The following PMS2 variants were observed in gnomAD, a reference collection of about 807,000 sequenced individuals.
PMS2 encodes PMS1 homolog 2, mismatch repair system component, also known as mismatch repair endonuclease PMS2.
Under a neutral mutation model 90.0 loss-of-function variants are expected in PMS2, and 69 were observed. That is an observed-to-expected ratio of 0.77 (90% CI 0.63 to 0.94). PMS2 has a LOEUF of 0.94. Among genes scored for constraint, PMS2 ranks in the 40% least tolerant of loss-of-function variants. The probability of loss-of-function intolerance (pLI) is 0.00; values close to 1 mark genes in which losing one functional copy is unlikely to be tolerated. For synonymous variants in PMS2, 332 were observed against 375.1 expected (o/e 0.89, Z 1.33); for missense variants, 966 against 1,040.2 (o/e 0.93, Z 0.98).
intron 2 of PMS2, 85 bp downstream of exon 2, chr7:6,005,807 T>C: frequency 6.3e-7 from 1 of 1,594,090 alleles, no homozygotes; most frequent in Non-Finnish European, 8.6e-7. Context: ...CAACACTTGA[T>C]AGTCTTATTT....
intron 11 of PMS2, among the ~76,000 whole-genome samples, chr7:5,984,387 C>T (rs34112530): frequency 5.9e-5 from 9 of 151,826 alleles, no homozygotes; most frequent in Admixed American, 2.0e-4. Flanking sequence ...CATTCTCAGT[C>T]CCACACAATT....
At chr7:6,003,048 C>T (rs761145983) in intron 4 of PMS2, among the ~76,000 whole-genome samples, 9 of 152,040 alleles carry the variant, frequency 5.9e-5, no homozygotes, top group Non-Finnish European at 1.3e-4. Flanking sequence ...TATCCCAGCA[C>T]TTTGGGAGGC....
At chr7:5,978,178 G>A (rs1781919090) in intron 13 of PMS2, among the ~76,000 whole-genome samples, 1 of 149,922 alleles carries the variant, frequency 6.7e-6, no homozygotes, top group South Asian at 2.1e-4. Context: ...CTTTTTGGAG[G>A]AACTTTTTAA....
chr7:5,990,860 A>G (rs543080679), intron 9 of PMS2, among the ~76,000 whole-genome samples: 2 of 152,136 alleles, frequency 1.3e-5, no homozygotes, highest in African/African-American at 4.8e-5. Context: ...CTAAAAACAC[A>G]AAAAATTAGT....
intron 9 of PMS2, 147 bp downstream of exon 9, chr7:5,991,826 A>C (rs900070411): frequency 1.6e-6 from 1 of 611,078 alleles, no homozygotes; most frequent in East Asian, 3.0e-5. Flanking sequence ...GTGACAGAGC[A>C]AGACCCCGTC....
At chr7:5,983,971 G>A (rs1376713867) in intron 11 of PMS2, among the ~76,000 whole-genome samples, 1 of 151,800 alleles carries the variant, frequency 6.6e-6, no homozygotes, top group Non-Finnish European at 1.5e-5. Context: ...CTTTTTAATG[G>A]CCACATAGGA....
rs63751230 is a variant in PMS2, at chr7:5,986,928, T to G, written c.1837A>C (p.Lys613Gln). ...GAAAAGTCCAGGGGCACAACTTTCTTATTAATTTTCACAGCTACATCAACC... is the reference window on the plus strand; with the variant it reads ...GAAAAGTCCAGGGGCACAACTTTCTGATTAATTTTCACAGCTACATCAACC... ...SQVDVAVKIN[K>Q]KVVPLDFSMS... Residue 613 changes from lysine to glutamine, a missense_variant, in exon 11 of 15, where the codon AAG becomes CAG. Transcript: ENST00000265849. 5 of 1,614,050 alleles carry G rather than the reference T, an allele frequency of 3.1e-6. No homozygotes were observed. In the African/African-American group the frequency reaches 6.7e-5, roughly 22 times the overall value.
intron 14 of PMS2, among the ~76,000 whole-genome samples, chr7:5,976,222 G>T (rs1394828676): frequency 7.0e-6 from 1 of 141,958 alleles, no homozygotes; most frequent in African/African-American, 2.5e-5. Context: ...GTAACAGAGC[G>T]AGACTCCGTC....
At chr7:5,994,754 T>C (rs1280048922) in intron 8 of PMS2, among the ~76,000 whole-genome samples, 7 of 151,156 alleles carry the variant, frequency 4.6e-5, no homozygotes, top group East Asian at 2.0e-4. Context: ...CCAGCCTGGG[T>C]GACAAACAAG....
At chr7:5,998,019 G>A (rs1209354921) in intron 6 of PMS2, among the ~76,000 whole-genome samples, 1 of 151,516 alleles carries the variant, frequency 6.6e-6, no homozygotes, top group African/African-American at 2.4e-5. Flanking sequence ...AGTGTCTCTG[G>A]AAGAATAAAA....
chr7:5,973,657 T>C (rs1781519442), intron 14 of PMS2, 115 bp from the exon 15 acceptor site: 8 of 239,564 alleles, frequency 3.3e-5, no homozygotes, highest in Admixed American at 1.7e-4. Context: ...GCTCAAAAAC[T>C]ACCTTCCCTG....
chr7:5,984,808 TA>T (rs1782685115), intron 11 of PMS2, among the ~76,000 whole-genome samples: 1 of 151,248 alleles, frequency 6.6e-6, no homozygotes. Flanking sequence ...AAGGAGCTGA[TA>T]TTGTTGTTTC....
chr7:6,008,736 G>A (rs547956577), intron 1 of PMS2, among the ~76,000 whole-genome samples: 15,070 of 152,230 alleles, frequency 0.099, 782 homozygotes, highest in Admixed American at 0.12. Flanking sequence ...GGCCTGTCTG[G>A]GACAGGCCGA....
chr7:6,000,310 G>T (rs13245536), intron 5 of PMS2, among the ~76,000 whole-genome samples: 24,325 of 150,658 alleles, frequency 0.16, 2,182 homozygotes, highest in African/African-American at 0.23. Flanking sequence ...GGAGATCATG[G>T]CTGCGGTAAG....
chr7:5,994,523 C>T (rs1217237620), intron 8 of PMS2, among the ~76,000 whole-genome samples: 2 of 152,018 alleles, frequency 1.3e-5, no homozygotes, highest in African/African-American at 4.8e-5. Context: ...CCTGTAATTC[C>T]AGCACTTTGG....
intron 8 of PMS2, among the ~76,000 whole-genome samples, chr7:5,992,269 G>T (rs191825021): frequency 1.3e-5 from 2 of 151,148 alleles, no homozygotes; most frequent in East Asian, 3.9e-4. Context: ...CCAGGCTCAA[G>T]TGATCCTCCT....
intron 7 of PMS2, among the ~76,000 whole-genome samples, chr7:5,996,590 A>AAAATAT (rs56858711): frequency 0.037 from 4,073 of 109,498 alleles, 201 homozygotes; most frequent in East Asian, 0.23. Context: ...AAAAAAAAAA[A>AAAATAT]ATATATATAT....
rs544890673 is a variant in PMS2, at chr7:5,984,913, C to T, written c.2006+1846G>A. Among the ~76,000 whole-genome samples the T allele has an allele frequency of 4.7e-3, 707 of 151,958 alleles. 3 individuals carry two copies. Among genetic ancestry groups the T allele is most frequent in the Non-Finnish European group, 7.2e-3 (489 of 68,006 alleles). On this transcript the variant is annotated intron_variant, in intron 11 of 14. Transcript: ENST00000265849. Reference sequence around the variant, plus strand: ...GGGGACAGTTTGGTGAACTGTGAGACCTCCACATGGCATGGATTACTGAGC... The same window carrying T: ...GGGGACAGTTTGGTGAACTGTGAGATCTCCACATGGCATGGATTACTGAGC...
chr7:5,992,638 A>T (rs1177582047), intron 8 of PMS2, among the ~76,000 whole-genome samples: 2 of 152,068 alleles, frequency 1.3e-5, no homozygotes, highest in Non-Finnish European at 2.9e-5. Flanking sequence ...CATTTTTTTA[A>T]CAGCTTTACT....
Sources: gnomAD v4.1 joint callset for allele counts (sites outside exome capture counted in the v4.1 genomes callset) on GRCh38, gnomAD v4.1.1 for gene constraint, MANE v1.5 for transcripts, NCBI Gene and HGNC (gene_info 2026-07-23, HGNC 2026-07-21) for gene names.